KCNN2: variants seen among roughly 807,000 people sequenced by gnomAD.
The protein encoded by KCNN2 is small conductance calcium-activated potassium channel protein 2.
Under a neutral mutation model 55.5 loss-of-function variants are expected in KCNN2, and 24 were observed. That is an observed-to-expected ratio of 0.43 (90% CI 0.31 to 0.61). The LOEUF (loss-of-function observed/expected upper bound fraction) is 0.61, where lower values mean the gene tolerates loss of function less well. KCNN2 is among the 20% of genes least tolerant of loss of function. The probability of loss-of-function intolerance (pLI) is 0.08; values close to 1 mark genes in which losing one functional copy is unlikely to be tolerated. For synonymous variants in KCNN2, 431 were observed against 336.1 expected, an observed-to-expected ratio of 1.28 and a Z score of -3.09; for missense variants, 754 against 853.6, an observed-to-expected ratio of 0.88 and a Z score of 1.45.
intron 1 of KCNN2, among the ~76,000 whole-genome samples, chr5:114,207,404 A>G (rs910956729): frequency 2.0e-5 from 3 of 152,198 alleles, no homozygotes; most frequent in Admixed American, 2.0e-4. Flanking sequence ...AGCAAATGCC[A>G]TTGTTCAGGT....
chr5:114,287,581 C>T (rs949061878), intron 2 of KCNN2, among the ~76,000 whole-genome samples: 4 of 149,512 alleles, frequency 2.7e-5, no homozygotes, highest in Admixed American at 2.0e-4. Flanking sequence ...GGGAACAACA[C>T]ACATTGGGGC....
chr5:114,274,498 C>G (rs1415890726), intron 2 of KCNN2, among the ~76,000 whole-genome samples: 1 of 151,970 alleles, frequency 6.6e-6, no homozygotes, highest in African/African-American at 2.4e-5. Context: ...TGTTTGTGTC[C>G]TCCTTTATTT....
At chr5:114,422,121 T>C (rs971488535) in intron 3 of KCNN2, among the ~76,000 whole-genome samples, 2 of 152,190 alleles carry the variant, frequency 1.3e-5, no homozygotes, top group African/African-American at 4.8e-5. Context: ...AGAGAGAATG[T>C]GAGTTAATCA....
chr5:114,069,388 T>G (rs1364855026), intron 1 of KCNN2, among the ~76,000 whole-genome samples: 1 of 152,202 alleles, frequency 6.6e-6, no homozygotes, highest in African/African-American at 2.4e-5. Context: ...AACTAATGAT[T>G]TTTCCCTCTT....
chr5:114,486,876 G>C, intron 5 of KCNN2, 174 bp from the exon 6 acceptor site: 2 of 1,140,536 alleles, frequency 1.8e-6, no homozygotes, highest in Middle Eastern at 4.0e-4. Context: ...TTCCCAGGCA[G>C]GTACAAGTAC....
rs188159499 is a variant in KCNN2 at position 114,250,294 on chromosome 5, G to A, written c.-185+28729G>A. On this transcript the variant is annotated intron_variant, in intron 2 of 10. Coordinates refer to the KCNN2 transcript ENST00000512097. ...AGCATGATTCTCTGTTATCTTAACA[G>A]GTTTGGGTCTAGAACTGGGGAACTT... 2.6e-5 allele frequency among the ~76,000 whole-genome samples: 4 copies of A among 152,240 alleles called. No homozygotes were observed. The East Asian group carries it at 7.7e-4, about 29-fold the overall frequency.
At chr5:114,285,515 C>T (rs1157175460) in intron 2 of KCNN2, among the ~76,000 whole-genome samples, 3 of 152,030 alleles carry the variant, frequency 2.0e-5, no homozygotes, top group Non-Finnish European at 4.4e-5. Context: ...CTTGGAAATC[C>T]TTAAGTGCCA....
intron 5 of KCNN2, among the ~76,000 whole-genome samples, chr5:114,478,609 A>G (rs1039771985): frequency 2.6e-5 from 4 of 152,190 alleles, no homozygotes; most frequent in Middle Eastern, 6.8e-3. Flanking sequence ...CAGATTCTCC[A>G]AGGTCAAAAT....
rs1013704089 is a variant in KCNN2, at chr5:114,156,624, AT to A, written c.-270-64852del. On this transcript the variant is annotated intron_variant, in intron 1 of 10. Transcript: ENST00000512097. The stretch of plus-strand genomic sequence containing the variant: ...ACCCTAGTTAGCTGTATTTCTAGAT[AT>A]TTTATTCTTTTTGTGGCAGTCATGG... Among the ~76,000 whole-genome samples the A allele has an allele frequency of 1.7e-4, 26 of 152,032 alleles. 1 individual carries two copies. Among genetic ancestry groups the A allele is most frequent in the Admixed American group, 6.6e-4 (10 of 15,260 alleles).
At chr5:114,204,726 G>A (rs963082796) in intron 1 of KCNN2, among the ~76,000 whole-genome samples, 4 of 152,208 alleles carry the variant, frequency 2.6e-5, no homozygotes, top group Non-Finnish European at 5.9e-5. Context: ...TTATGGTGGA[G>A]CCTCTAAAAG....
chr5:114,282,213 C>G (rs1357195362), intron 2 of KCNN2, among the ~76,000 whole-genome samples: 1 of 151,902 alleles, frequency 6.6e-6, no homozygotes, highest in African/African-American at 2.4e-5. Flanking sequence ...TAATTTCTTT[C>G]TTTCTCGTTT....
intron 1 of KCNN2, among the ~76,000 whole-genome samples, chr5:114,188,041 G>T (rs1226376928): frequency 6.6e-6 from 1 of 151,258 alleles, no homozygotes; most frequent in Non-Finnish European, 1.5e-5. Flanking sequence ...TTGAACTCCC[G>T]GCCTCAGGTG....
chr5:114,481,326 C>A (rs1469809739), intron 5 of KCNN2, among the ~76,000 whole-genome samples: 1 of 152,086 alleles, frequency 6.6e-6, no homozygotes, highest in Non-Finnish European at 1.5e-5. Flanking sequence ...GAACTACAAA[C>A]CACTACTCAA....
chr5:114,472,316 G>A (rs1238538184), intron 4 of KCNN2, among the ~76,000 whole-genome samples: 2 of 152,194 alleles, frequency 1.3e-5, no homozygotes, highest in African/African-American at 4.8e-5. Flanking sequence ...AATTCTTAGA[G>A]TACCACACAG....
intron 1 of KCNN2, among the ~76,000 whole-genome samples, chr5:114,167,576 A>T (rs997249356): frequency 6.6e-6 from 1 of 152,136 alleles, no homozygotes; most frequent in Non-Finnish European, 1.5e-5. Context: ...TACTTGTTCT[A>T]TGTAACCTGT....
intron 1 of KCNN2, among the ~76,000 whole-genome samples, chr5:114,102,754 T>C (rs1185654051): frequency 2.0e-5 from 3 of 152,096 alleles, no homozygotes; most frequent in South Asian, 4.1e-4. Context: ...TGTAGATGTG[T>C]GTTGTTATTT....
chr5:114,120,615 G>A (rs1751807474), intron 1 of KCNN2, among the ~76,000 whole-genome samples: 1 of 152,184 alleles, frequency 6.6e-6, no homozygotes, highest in Non-Finnish European at 1.5e-5. Flanking sequence ...TGCACTTGAT[G>A]CAAAGGGGGA....
chr5:114,299,939 C>G (rs1459146962), intron 2 of KCNN2, among the ~76,000 whole-genome samples: 1 of 152,042 alleles, frequency 6.6e-6, no homozygotes, highest in Non-Finnish European at 1.5e-5. Flanking sequence ...TGCTGGTTAC[C>G]TGTTTATTCA....
At chr5:114,144,978 A>C (rs1367045501) in intron 1 of KCNN2, among the ~76,000 whole-genome samples, 1 of 152,034 alleles carries the variant, frequency 6.6e-6, no homozygotes, top group Admixed American at 6.6e-5. Context: ...CTGTTGTCTT[A>C]GTTTTTGAGG....
Sources: allele counts gnomAD v4.1 joint callset (sites outside exome capture counted in the v4.1 genomes callset), GRCh38; gene constraint gnomAD v4.1.1; transcripts MANE v1.5; gene names NCBI Gene and HGNC (gene_info 2026-07-23, HGNC 2026-07-21).